TEC: variants seen among roughly 807,000 people sequenced by gnomAD.
TEC encodes the protein tyrosine-protein kinase Tec.
TEC carries 72 observed loss-of-function variants against 93.0 expected under a neutral mutation model. The observed-to-expected ratio is 0.77, with a 90% CI of 0.64 to 0.94. The LOEUF is 0.94. Among genes scored for constraint, TEC ranks in the 40% least tolerant of loss-of-function variants. The pLI is 0.00. For missense variants in TEC, 630 were observed against 757.9 expected, an observed-to-expected ratio of 0.83 and a Z score of 1.98; for synonymous variants, 249 against 247.7, an observed-to-expected ratio of 1.01 and a Z score of -0.05.
chr4:48,264,142 T>C (rs73817625), intron 1 of TEC, among the ~76,000 whole-genome samples: 2,113 of 152,104 alleles, frequency 0.014, 54 homozygotes, highest in African/African-American at 0.048. Context: ...AACATTTTGG[T>C]GGAATAAGCA....
At chr4:48,260,631 C>A (rs1298770780) in intron 1 of TEC, among the ~76,000 whole-genome samples, 3 of 144,902 alleles carry the variant, frequency 2.1e-5, no homozygotes, top group African/African-American at 5.1e-5. Flanking sequence ...AAAAAAAAAT[C>A]TAAGTGTCCA....
At position 48,138,887 on chromosome 4, in the gene TEC, G is replaced by A. The variant is rs1719544296; in HGVS notation, c.1654+17C>T. 2 of 1,613,986 alleles carry A rather than the reference G, an allele frequency of 1.2e-6. No homozygotes were observed. Among genetic ancestry groups the A allele is most frequent in the Non-Finnish European group, 1.7e-6 (2 of 1,179,960 alleles). ...TTCTCCTCAGGGCGGACGGACATGA[G>A]GAAACATGGATCTTACCAAATGACC... is the stretch of plus-strand genomic sequence containing the variant. On this transcript the variant is annotated intron_variant, in intron 16 of 17. Transcript: ENST00000381501.
chr4:48,202,828 G>A (rs749529776), intron 2 of TEC, among the ~76,000 whole-genome samples: 13 of 152,154 alleles, frequency 8.5e-5, no homozygotes, highest in Non-Finnish European at 1.5e-4. Context: ...TTTGAACACT[G>A]ACTGTCTGAC....
At chr4:48,217,883 A>G (rs1723131349) in intron 2 of TEC, among the ~76,000 whole-genome samples, 1 of 151,780 alleles carries the variant, frequency 6.6e-6, no homozygotes, top group Non-Finnish European at 1.5e-5. Flanking sequence ...ATAAAAAAGA[A>G]TGTCTAGGGG....
chr4:48,162,957 G>A (rs1233539864), intron 8 of TEC, among the ~76,000 whole-genome samples: 1 of 152,172 alleles, frequency 6.6e-6, no homozygotes, highest in African/African-American at 2.4e-5. Context: ...TTCACGTACA[G>A]CCTGTAGCCC....
intron 2 of TEC, among the ~76,000 whole-genome samples, chr4:48,183,665 T>C (rs1003626870): frequency 9.2e-5 from 14 of 152,234 alleles, no homozygotes; most frequent in African/African-American, 3.4e-4. Flanking sequence ...CCTTTGGACT[T>C]GGTCTGAATT....
At chr4:48,213,748 G>C (rs993288372) in intron 2 of TEC, among the ~76,000 whole-genome samples, 1 of 152,112 alleles carries the variant, frequency 6.6e-6, no homozygotes, top group African/African-American at 2.4e-5. Flanking sequence ...GTTTGGGGGA[G>C]AGATTAATAC....
rs1359072890 is a variant in TEC, at chr4:48,137,370, T to C, written c.*46A>G. 3 of 1,502,492 alleles carry C rather than the reference T, an allele frequency of 2.0e-6. No homozygotes were observed. The African/African-American group carries it at 4.2e-5, about 21-fold the overall frequency. The allele number at this position is 1,502,492 out of a possible 1,614,324, so 93.1% of individuals were successfully genotyped here. The stretch of plus-strand genomic sequence containing the variant: ...TAAATTAAAAGCCACAAAATGCCCA[T>C]CCTTCCTTGTGCTTGGGAATCTGGG... On this transcript the variant is annotated 3_prime_UTR_variant, in exon 18 of 18. Coordinates refer to ENST00000381501, the MANE Select transcript of TEC (RefSeq NM_003215.3).
In TEC at chr4:48,232,369, C is replaced by T. The variant is rs571306118; in HGVS notation, c.-45-3710G>A. ...TTACTACTCTTATACAGAATCACACCATTTAAGTTGAAAGGAATCTTAGTC... is the reference window on the plus strand; with the variant it reads ...TTACTACTCTTATACAGAATCACACTATTTAAGTTGAAAGGAATCTTAGTC... On this transcript the variant is annotated intron_variant, in intron 1 of 17. Coordinates refer to ENST00000381501, the MANE Select transcript of TEC (RefSeq NM_003215.3). 9.2e-5 allele frequency among the ~76,000 whole-genome samples: 14 copies of T among 152,176 alleles called. No homozygotes were observed. In the South Asian group the frequency reaches 2.9e-3, roughly 32 times the overall value.
At chr4:48,167,980 G>T in intron 6 of TEC, 27 bp from the exon 7 acceptor site, 1 of 1,608,410 alleles carries the variant, frequency 6.2e-7, no homozygotes, top group Non-Finnish European at 8.5e-7. Context: ...ACATTTGAAA[G>T]TTTAGTCTTC....
chr4:48,218,400 G>A (rs781056282), intron 2 of TEC, among the ~76,000 whole-genome samples: 6 of 152,104 alleles, frequency 3.9e-5, no homozygotes, highest in Non-Finnish European at 8.8e-5. Context: ...CTCCTTATGT[G>A]TCAGGACCAC....
chr4:48,266,449 A>G, intron 1 of TEC, among the ~76,000 whole-genome samples: 1 of 152,234 alleles, frequency 6.6e-6, no homozygotes, highest in East Asian at 1.9e-4. Context: ...TACCTGGTCA[A>G]TTGAGGGAGA....
chr4:48,167,655 T>C lies in TEC; in HGVS notation c.671+123A>G. The C allele has an allele frequency of 3.5e-6, 3 of 849,846 alleles. No individual in the cohort carries two copies. The South Asian group carries it at 5.1e-5, about 14-fold the overall frequency. The allele number at this position is 849,846 out of a possible 1,614,324, so 52.6% of individuals were successfully genotyped here. A position where few individuals can be genotyped will look rare whatever the true frequency, so the allele number is the denominator to read the frequency against. On this transcript the variant is annotated intron_variant, in intron 7 of 17. Transcript: ENST00000381501. ...TGTGTTACTACCAAGTAATAAGGTG[T>C]GCTTCCATTTATGGCTGGTGAAATT...
intron 8 of TEC, among the ~76,000 whole-genome samples, chr4:48,160,192 C>T (rs1210080719): frequency 6.6e-6 from 1 of 152,166 alleles, no homozygotes; most frequent in Non-Finnish European, 1.5e-5. Flanking sequence ...AGCTGGGAAA[C>T]AGCAAAGCCA....
chr4:48,186,870 C>T (rs541326812), intron 2 of TEC, among the ~76,000 whole-genome samples: 29 of 151,268 alleles, frequency 1.9e-4, no homozygotes, highest in African/African-American at 5.3e-4. Context: ...CGCCTCTGCC[C>T]GGCCGCCCCG....
intron 3 of TEC, among the ~76,000 whole-genome samples, chr4:48,173,193 C>T (rs1721184471): frequency 6.6e-6 from 1 of 152,012 alleles, no homozygotes; most frequent in Admixed American, 6.6e-5. Context: ...CTGGAATCTG[C>T]CTTTCCAGAC....
chr4:48,183,710 A>G (rs777612962), intron 2 of TEC, among the ~76,000 whole-genome samples: 1 of 152,186 alleles, frequency 6.6e-6, no homozygotes, highest in Non-Finnish European at 1.5e-5. Context: ...CACATTGCAG[A>G]TGGCAGATTG....
chr4:48,211,579 A>C (rs1411746204), intron 2 of TEC, among the ~76,000 whole-genome samples: 1 of 152,238 alleles, frequency 6.6e-6, no homozygotes, highest in Non-Finnish European at 1.5e-5. Flanking sequence ...GTGTTAAACT[A>C]AATTACAAAT....
intron 7 of TEC, among the ~76,000 whole-genome samples, chr4:48,167,033 A>G (rs536618433): frequency 2.0e-5 from 3 of 152,090 alleles, no homozygotes; most frequent in African/African-American, 4.8e-5. Flanking sequence ...AACTCAGAGT[A>G]TAAGTGGGAT....
Sources: gnomAD v4.1 joint callset for allele counts (sites outside exome capture counted in the v4.1 genomes callset) on GRCh38, gnomAD v4.1.1 for gene constraint, MANE v1.5 for transcripts, NCBI Gene and HGNC (gene_info 2026-07-23, HGNC 2026-07-21) for gene names.